Variants in ZNF496 observed in about 807,000 individuals in gnomAD.
ZNF496 encodes the protein NSD1 (nuclear receptor binding SET-domain containing 1)-interacting zinc finger protein 1.
Under a neutral mutation model 58.9 loss-of-function variants are expected in ZNF496, and 11 were observed. The observed-to-expected ratio is 0.19, with a 90% CI of 0.12 to 0.31. The LOEUF is 0.31. ZNF496 is among the 10% of genes least tolerant of loss of function. The pLI is 1.00. For missense variants in ZNF496, 660 were observed against 783.0 expected (o/e 0.84, Z 1.88); for synonymous variants, 338 against 318.2 (o/e 1.06, Z -0.66).
chr1:247,300,447 G>A lies in ZNF496; in HGVS notation c.*72C>T. 6.7e-7 allele frequency: 1 copy of A among 1,489,542 alleles called. No homozygotes were observed. The highest frequency in any genetic ancestry group is 9.0e-7 in the Non-Finnish European group (1 of 1,112,128). The allele number at this position is 1,489,542 out of a possible 1,614,324, so 92.3% of individuals were successfully genotyped here. A position where few individuals can be genotyped will look rare whatever the true frequency, so the allele number is the denominator to read the frequency against. On this transcript the variant is annotated 3_prime_UTR_variant, in exon 10 of 10. Coordinates refer to ENST00000682384, the MANE Select transcript of ZNF496 (RefSeq NM_032752.3). This position sits in a 1 kb window ranked among gnomAD's most constrained non-coding sequence, Gnocchi z 5.7. ...CTATCCTGGGGAAGGTATGTCCTGG[G>A]TGGGGGCGCTGATCAGTACCAAGGT...
chr1:247,314,021 C>G (rs1659694305), intron 6 of ZNF496, among the ~76,000 whole-genome samples: 1 of 152,018 alleles, frequency 6.6e-6, no homozygotes, highest in African/African-American at 2.4e-5. Flanking sequence ...GAATCATGGA[C>G]CATGGGAATG....
Position 247,308,359 on chromosome 1 carries a change from G to A in ZNF496, c.1006+116C>T. The A allele has an allele frequency of 1.1e-6, 1 of 915,054 alleles. No homozygotes were observed. Among genetic ancestry groups the A allele is most frequent in the Middle Eastern group, 2.2e-4 (1 of 4,466 alleles). The allele number at this position is 915,054 out of a possible 1,614,324, so 56.7% of individuals were successfully genotyped here. A position where few individuals can be genotyped will look rare whatever the true frequency, so the allele number is the denominator to read the frequency against. On this transcript the variant is annotated intron_variant, in intron 9 of 9. Transcript: ENST00000682384. The surrounding 1 kb of genome is among the most constrained non-coding windows in gnomAD (Gnocchi z 4.5). ...CACACCACATATACCACATGTGTAT[G>A]CACGCACACATGCATTCAACACAAC...
chr1:247,317,603 G>A (rs1659827644), intron 6 of ZNF496, among the ~76,000 whole-genome samples: 1 of 151,842 alleles, frequency 6.6e-6, no homozygotes, highest in Non-Finnish European at 1.5e-5. Flanking sequence ...GACCATGTAG[G>A]GAGCTGGAAC....
chr1:247,306,340 G>A (rs1024315831), intron 9 of ZNF496, among the ~76,000 whole-genome samples: 2 of 152,010 alleles, frequency 1.3e-5, no homozygotes, highest in Non-Finnish European at 2.9e-5. Context: ...GGGATTATAG[G>A]TGCCCACCAC....
In ZNF496 at chr1:247,300,466, C is replaced by G. The variant is rs1572066487; in HGVS notation, c.*53G>C. 6.4e-7 allele frequency: 1 copy of G among 1,552,014 alleles called. No individual in the cohort carries two copies. The highest frequency in any genetic ancestry group is 2.3e-5 in the East Asian group (1 of 44,314). On this transcript the variant is annotated 3_prime_UTR_variant, in exon 10 of 10. Transcript: ENST00000682384. The surrounding 1 kb of genome is among the most constrained non-coding windows in gnomAD (Gnocchi z 5.7). ...TCCTGGGTGGGGGCGCTGATCAGTA[C>G]CAAGGTGAGGGGGCAGCACCAGCCA...
chr1:247,300,350 A>C lies in ZNF496; in HGVS notation c.*169T>G. The C allele has an allele frequency of 1.6e-6, 1 of 608,602 alleles. No homozygotes were observed. Among genetic ancestry groups the C allele is most frequent in the Non-Finnish European group, 2.6e-6 (1 of 380,948 alleles). The allele number at this position is 608,602 out of a possible 1,614,324, so 37.7% of individuals were successfully genotyped here. A position where few individuals can be genotyped will look rare whatever the true frequency, so the allele number is the denominator to read the frequency against. ...TGGCCACTCTTTCATTACCTGGGGGAGGGAGAGTGCTCCCATGGCACCACC... is the reference window on the plus strand; with the variant it reads ...TGGCCACTCTTTCATTACCTGGGGGCGGGAGAGTGCTCCCATGGCACCACC... On this transcript the variant is annotated 3_prime_UTR_variant, in exon 10 of 10. Coordinates refer to ENST00000682384, the MANE Select transcript of ZNF496 (RefSeq NM_032752.3). This position sits in a 1 kb window ranked among gnomAD's most constrained non-coding sequence, Gnocchi z 5.7.
chr1:247,302,311 T>A (rs987233028), intron 9 of ZNF496, among the ~76,000 whole-genome samples: 2 of 151,404 alleles, frequency 1.3e-5, no homozygotes, highest in African/African-American at 4.9e-5. Flanking sequence ...ACACAGAGGC[T>A]ATGGAGAGCA....
intron 9 of ZNF496, chr1:247,307,024 T>C: frequency 1.1e-6 from 1 of 912,516 alleles, no homozygotes; most frequent in Non-Finnish European, 1.3e-6. Flanking sequence ...CAAAAATAAA[T>C]AAATAAGGAT....
rs1659171694 is a variant in ZNF496, at chr1:247,299,693, C to A, written c.*826G>T. On this transcript the variant is annotated 3_prime_UTR_variant, in exon 10 of 10. Coordinates refer to ENST00000682384, the MANE Select transcript of ZNF496 (RefSeq NM_032752.3). The stretch of plus-strand genomic sequence containing the variant: ...TGCCTTTTAAACGATGACAACTCCG[C>A]TTCCAACCCACAAGCATTTACCAAG... 1 of 152,246 alleles carries A rather than the reference C, an allele frequency of 6.6e-6. No individual in the cohort carries two copies. The highest frequency in any genetic ancestry group is 6.5e-5 in the Admixed American group (1 of 15,288). The allele number at this position is 152,246 out of a possible 1,614,324, so 9.4% of individuals were successfully genotyped here. A position where few individuals can be genotyped will look rare whatever the true frequency, so the allele number is the denominator to read the frequency against.
chr1:247,319,539 A>G (rs1659890927), intron 6 of ZNF496, among the ~76,000 whole-genome samples: 1 of 152,236 alleles, frequency 6.6e-6, no homozygotes, highest in Non-Finnish European at 1.5e-5. Flanking sequence ...AAGCCCTAAC[A>G]TGTCGGTAAT....
In ZNF496 at chr1:247,329,377, C is replaced by A. The variant is rs539020308; in HGVS notation, c.202G>T (p.Gly68Trp). Residue 68 changes from glycine (G) to tryptophan (W), a missense_variant, in exon 4 of 10, where the codon GGG becomes TGG. Gly to Trp is a radical substitution (Grantham distance 184). Coordinates refer to ENST00000682384, the MANE Select transcript of ZNF496 (RefSeq NM_032752.3). The surrounding 1 kb of genome is among the most constrained non-coding windows in gnomAD (Gnocchi z 5.5). ...EALQRLWDLCGGWLRPERHTK... is the reference protein window; with the variant it reads ...EALQRLWDLCWGWLRPERHTK... The stretch of plus-strand genomic sequence containing the variant: ...TGCCTCTCAGGCCGCAGCCAGCCCC[C>A]GCACAGGTCCCAGAGGCGCTGCAGG... The A allele has an allele frequency of 6.2e-7, 1 of 1,613,504 alleles. No individual in the cohort carries two copies.
chr1:247,304,652 A>C (rs1021344573), intron 9 of ZNF496, among the ~76,000 whole-genome samples: 5 of 152,106 alleles, frequency 3.3e-5, no homozygotes, highest in African/African-American at 1.2e-4. Context: ...GATTATAGGC[A>C]CGAGCCACAC....
intron 6 of ZNF496, chr1:247,311,478 A>T (rs1659602999): frequency 6.9e-6 from 1 of 145,258 alleles, no homozygotes; most frequent in African/African-American, 2.6e-5. Flanking sequence ...TAGTGGTGAG[A>T]CGGGCACAGG....
intron 6 of ZNF496, among the ~76,000 whole-genome samples, chr1:247,319,132 C>T (rs4925532): frequency 0.56 from 85,409 of 151,980 alleles, 24,447 homozygotes; most frequent in Middle Eastern, 0.79. Flanking sequence ...TAGGAGCACA[C>T]CACCATTCCC....
At position 247,328,741 on chromosome 1, in the gene ZNF496, G is replaced by A; in HGVS notation, c.516C>T (p.Thr172=). The change falls in exon 5 of 10, where the codon ACC becomes ACT. Residue 172 remains threonine, a synonymous_variant. Coordinates refer to ENST00000682384, the MANE Select transcript of ZNF496 (RefSeq NM_032752.3). The part of the protein sequence containing the change: ...LAKNQDAQPI[T]LAQCLGLPSR... ...TTGGGAGCCCCAGGCACTGTGCCAG[G>A]GTTATGGGCTGGGCATCCTGGTTCT... 1 of 1,613,356 alleles carries A rather than the reference G, an allele frequency of 6.2e-7. No homozygotes were observed. The highest frequency in any genetic ancestry group is 8.5e-7 in the Non-Finnish European group (1 of 1,179,696).
At chr1:247,310,636 C>T (rs1395115692) in intron 6 of ZNF496, 180 bp from the exon 7 acceptor site, 2 of 714,928 alleles carry the variant, frequency 2.8e-6, no homozygotes, top group Admixed American at 2.9e-5. Context: ...AGGCTGGGTG[C>T]CTGGTGAGGG....
intron 6 of ZNF496, among the ~76,000 whole-genome samples, chr1:247,322,492 G>C (rs1659992358): frequency 6.6e-6 from 1 of 152,196 alleles, no homozygotes; most frequent in Non-Finnish European, 1.5e-5. Context: ...TCTTGTGCCA[G>C]CCAGTGGAAA....
At position 247,329,445 on chromosome 1, in the gene ZNF496, AAGAGACGCCGAG is replaced by A; in HGVS notation, c.122_133del (p.Ser41_Leu44del). The A allele has an allele frequency of 1.2e-6, 2 of 1,612,786 alleles. No individual in the cohort carries two copies. The highest frequency in any genetic ancestry group is 1.7e-6 in the Non-Finnish European group (2 of 1,179,542). Reference sequence around the variant, plus strand: ...CGCCTCCTGGTAGCGGAAACGGCGGAAGAGACGCCGAGAGGACTCGGGGCTGGGAAGCTCCCC... The same window carrying A: ...CGCCTCCTGGTAGCGGAAACGGCGGAAGGACTCGGGGCTGGGAAGCTCCCC... On this transcript the variant is annotated inframe_deletion, in exon 4 of 10. Coordinates refer to ENST00000682384, the MANE Select transcript of ZNF496 (RefSeq NM_032752.3). This position sits in a 1 kb window ranked among gnomAD's most constrained non-coding sequence, Gnocchi z 5.5.
In ZNF496 at chr1:247,297,824, C is replaced by G. The variant is rs1191397667; in HGVS notation, c.*2695G>C. On this transcript the variant is annotated 3_prime_UTR_variant, in exon 10 of 10. Coordinates refer to ENST00000682384, the MANE Select transcript of ZNF496 (RefSeq NM_032752.3). ...ATGTGGCCTTCCATTTCCTGAGGTG[C>G]CTTGGTTGGCTCTGGATCAGTGGTG... 6.6e-6 allele frequency: 1 copy of G among 151,414 alleles called. No individual in the cohort carries two copies. Among genetic ancestry groups the G allele is most frequent in the Non-Finnish European group, 1.5e-5 (1 of 67,876 alleles). The allele number at this position is 151,414 out of a possible 1,614,324, so 9.4% of individuals were successfully genotyped here.
Sources: allele counts gnomAD v4.1 joint callset (sites outside exome capture counted in the v4.1 genomes callset), GRCh38; gene constraint gnomAD v4.1.1; non-coding constraint Gnocchi (gnomAD v3.1); transcripts MANE v1.5; gene names NCBI Gene and HGNC (gene_info 2026-07-23, HGNC 2026-07-21).